The following KYAT3 variants were observed in gnomAD, a reference collection of about 807,000 sequenced individuals.
The protein encoded by KYAT3 is kynurenine aminotransferase 3.
A neutral mutation model predicts 59.0 loss-of-function variants in KYAT3; 50 were observed. That is an observed-to-expected ratio of 0.85 (90% confidence interval 0.68 to 1.07). The LOEUF is 1.07. KYAT3 is among the 50% of genes least tolerant of loss of function. KYAT3 has a pLI of 0.00. For missense variants in KYAT3, 497 were observed against 533.3 expected, an observed-to-expected ratio of 0.93 and a Z score of 0.67; for synonymous variants, 148 against 177.0, an observed-to-expected ratio of 0.84 and a Z score of 1.30.
chr1:88,968,043 A>T (rs994688152), intron 4 of KYAT3, among the ~76,000 whole-genome samples: 2 of 152,142 alleles, frequency 1.3e-5, no homozygotes, highest in African/African-American at 4.8e-5. Flanking sequence ...TCCCTGTGCT[A>T]TTCCCAAAGC....
intron 10 of KYAT3, among the ~76,000 whole-genome samples, chr1:88,949,996 A>G (rs963338731): frequency 1.3e-5 from 2 of 152,178 alleles, no homozygotes; most frequent in African/African-American, 4.8e-5. Flanking sequence ...TGATTAGGAC[A>G]GAAGGGTAGA....
chr1:88,980,629 A>G (rs1300510387), intron 2 of KYAT3: 1 of 152,626 alleles, frequency 6.6e-6, no homozygotes, highest in African/African-American at 2.4e-5. Context: ...CTGCTAGTTC[A>G]GTAAACTATT....
chr1:88,935,703 C>T (rs1675008308), downstream of KYAT3: 1 of 288,682 alleles, frequency 3.5e-6, no homozygotes, highest in Non-Finnish European at 6.3e-6. Context: ...CAGGTGGGTA[C>T]ACAAAACAAA....
intron 13 of KYAT3, among the ~76,000 whole-genome samples, chr1:88,942,234 A>T (rs1333324938): frequency 1.3e-5 from 2 of 150,694 alleles, no homozygotes; most frequent in South Asian, 4.2e-4. Context: ...CAGATATTAG[A>T]CTTTTAAGTT....
chr1:88,925,703 ATGGAG>A, the KYAT3 span, among the ~76,000 whole-genome samples: 4 of 150,380 alleles, frequency 2.7e-5, no homozygotes, highest in Non-Finnish European at 5.9e-5. Context: ...AGAGAGAGAG[ATGGAG>A]GAGAGACAGA....
intron 2 of KYAT3, among the ~76,000 whole-genome samples, chr1:88,978,247 T>C (rs969071011): frequency 6.6e-6 from 1 of 152,228 alleles, no homozygotes; most frequent in African/African-American, 2.4e-5. Flanking sequence ...ACTGTTATGT[T>C]CTTTCCTAGC....
chr1:88,943,755 C>A (rs1675333484), intron 11 of KYAT3, among the ~76,000 whole-genome samples: 2 of 152,150 alleles, frequency 1.3e-5, no homozygotes, highest in Non-Finnish European at 2.9e-5. Context: ...ACTCTATGAT[C>A]ATTACTAAGG....
intron 8 of KYAT3, among the ~76,000 whole-genome samples, chr1:88,957,579 T>C (rs956641184): frequency 7.9e-5 from 12 of 152,172 alleles, no homozygotes; most frequent in Non-Finnish European, 1.6e-4. Context: ...AATGAAATAG[T>C]GTATCCATTT....
chr1:88,982,765 C>T (rs767461290), intron 2 of KYAT3: 3 of 1,613,810 alleles, frequency 1.9e-6, no homozygotes, highest in African/African-American at 1.3e-5. Flanking sequence ...AAGGGTACCC[C>T]CTTTCTACAG....
the KYAT3 span, among the ~76,000 whole-genome samples, chr1:88,924,437 CCTT>C: frequency 6.6e-6 from 1 of 152,070 alleles, no homozygotes; most frequent in Non-Finnish European, 1.5e-5. Flanking sequence ...GTGAGCCTTT[CCTT>C]AATAAACCTC....
At chr1:88,943,229 C>A in intron 12 of KYAT3, 121 bp downstream of exon 12, 1 of 995,568 alleles carries the variant, frequency 1.0e-6, no homozygotes, top group Non-Finnish European at 1.5e-6. Flanking sequence ...CTTTTAAAAG[C>A]CACAAGTGGA....
chr1:88,937,305 C>T (rs1675077643), intron 13 of KYAT3, among the ~76,000 whole-genome samples: 1 of 152,052 alleles, frequency 6.6e-6, no homozygotes, highest in African/African-American at 2.4e-5. Flanking sequence ...AGCAGCCTGG[C>T]ACAAAATGTC....
chr1:88,984,520 C>T (rs997673008), intron 2 of KYAT3, among the ~76,000 whole-genome samples: 3 of 152,106 alleles, frequency 2.0e-5, no homozygotes, highest in African/African-American at 7.2e-5. Context: ...TTAACTGGAA[C>T]TTTGAAACAA....
chr1:88,949,199 C>A lies in KYAT3; in HGVS notation c.1033G>T (p.Glu345Ter). The change falls in exon 11 of 14, where the codon GAG (glutamate) becomes TAG (stop). Residue 345 changes from glutamate to a stop codon, truncating the protein, a stop_gained. Transcript: ENST00000260508. LOFTEE classifies it high-confidence loss of function. Reference sequence around the variant, plus strand: ...ATCCGATCTCTTTTTACTTCTAACTCTTTTGGCAAAGAATTAAAGTAACAT... The same window carrying A: ...ATCCGATCTCTTTTTACTTCTAACTATTTTGGCAAAGAATTAAAGTAACAT... ...PECYFNSLPK[E>*]LEVKRDRMVR... is the part of the protein sequence containing the mutation. The A allele has an allele frequency of 1.2e-6, 2 of 1,610,482 alleles. No homozygotes were observed. The highest frequency in any genetic ancestry group is 1.3e-5 in the African/African-American group (1 of 74,834).
chr1:88,943,458 T>C (rs747537065), intron 11 of KYAT3, 35 bp from the exon 12 acceptor site: 1 of 1,003,088 alleles, frequency 1.0e-6, no homozygotes, highest in Non-Finnish European at 1.5e-6. Flanking sequence ...GGCCTATGAA[T>C]TTCATCTGAT....
chr1:88,966,515 T>C (rs1676357283), intron 4 of KYAT3, among the ~76,000 whole-genome samples: 2 of 152,190 alleles, frequency 1.3e-5, no homozygotes, highest in African/African-American at 2.4e-5. Flanking sequence ...AATTTTACTT[T>C]CTAATTGTTC....
At chr1:88,922,165 T>C in the KYAT3 span, among the ~76,000 whole-genome samples, 1 of 151,944 alleles carries the variant, frequency 6.6e-6, no homozygotes, top group Admixed American at 6.6e-5. Flanking sequence ...TGAGCTATAA[T>C]TGCACCACTG....
chr1:88,982,104 A>G, intron 2 of KYAT3: 1 of 986,924 alleles, frequency 1.0e-6, no homozygotes. Flanking sequence ...AGCATTATCC[A>G]TTTGCTTTTT....
chr1:88,937,043 A>G (rs1468420096), intron 13 of KYAT3, among the ~76,000 whole-genome samples: 3 of 152,118 alleles, frequency 2.0e-5, no homozygotes, highest in Non-Finnish European at 4.4e-5. Flanking sequence ...AGGATGTCAG[A>G]GTCTGAGTGG....
Sources: gnomAD v4.1 joint callset for allele counts (sites outside exome capture counted in the v4.1 genomes callset) on GRCh38, gnomAD v4.1.1 for gene constraint, MANE v1.5 for transcripts, NCBI Gene and HGNC (gene_info 2026-07-23, HGNC 2026-07-21) for gene names.